The following ORAI2 variants were observed in gnomAD, a reference collection of about 807,000 sequenced individuals.
The protein encoded by ORAI2 is ORAI calcium release-activated calcium modulator 2, also known as protein orai-2.
ORAI2 carries 10 observed loss-of-function variants against 16.2 expected under a neutral mutation model. The observed-to-expected ratio is 0.62, with a 90% CI of 0.38 to 1.04. The LOEUF is 1.04. Ranked by LOEUF, ORAI2 falls within the 50% of genes least tolerant of loss-of-function variation. The probability of loss-of-function intolerance (pLI) is 0.01; values close to 1 mark genes in which losing one functional copy is unlikely to be tolerated. For synonymous variants in ORAI2, 150 were observed against 157.5 expected (o/e 0.95, Z 0.35); for missense variants, 238 against 355.5 (o/e 0.67, Z 2.66).
Position 102,446,837 on chromosome 7 carries a change from C to A in ORAI2, c.550C>A (p.Pro184Thr), listed in dbSNP as rs1318593721. The change falls in exon 4 of 4, where the codon CCC (proline) becomes ACC (threonine). Residue 184 changes from proline (P) to threonine (T), a missense_variant. Physicochemically the swap from Pro to Thr is conservative, Grantham distance 38. This residue lies in a region of ORAI2 where 176 missense variants were observed against 265.9 expected (regional missense o/e 0.66). Transcript: ENST00000495936. Reference sequence around the variant, plus strand: ...CGTGGATGCCCGGCGCCAGCCTGGCCCCCCACCTGGCCCTGGGAGTCACAC... The same window carrying A: ...CGTGGATGCCCGGCGCCAGCCTGGCACCCCACCTGGCCCTGGGAGTCACAC... ...LPVDARRQPG[P>T]PPGPGSHTGW... 6.2e-7 allele frequency: 1 copy of A among 1,613,834 alleles called. No homozygotes were observed. The highest frequency in any genetic ancestry group is 2.2e-5 in the East Asian group (1 of 44,888).
At chr7:102,439,258 C>A in intron 3 of ORAI2, 77 bp downstream of exon 3, 1 of 1,212,102 alleles carries the variant, frequency 8.3e-7, no homozygotes, top group Non-Finnish European at 1.2e-6. Context: ...GCCTCAGGGA[C>A]CAGAGCCTTC....
In ORAI2 at chr7:102,456,642, G is replaced by C. The variant is rs1202119386; in HGVS notation, c.*9590G>C. 6.6e-6 allele frequency: 1 copy of C among 152,176 alleles called. No homozygotes were observed. The highest frequency in any genetic ancestry group is 1.5e-5 in the Non-Finnish European group (1 of 68,030). The allele number at this position is 152,176 out of a possible 1,614,324, so 9.4% of individuals were successfully genotyped here. A position where few individuals can be genotyped will look rare whatever the true frequency, so the allele number is the denominator to read the frequency against. ...CATCCCCCAACCCTCCCTGGGCGTG[G>C]GGGTGTCAAGCATGAGTCAGGCTGA... On this transcript the variant is annotated 3_prime_UTR_variant, in exon 4 of 4. Transcript: ENST00000495936.
intron 3 of ORAI2, among the ~76,000 whole-genome samples, chr7:102,444,407 C>G (rs1224101568): frequency 1.3e-5 from 2 of 151,906 alleles, no homozygotes; most frequent in Non-Finnish European, 2.9e-5. Context: ...CACGAGCCAC[C>G]ATGCCCGGTT....
At chr7:102,445,080 C>T (rs372258962) in intron 3 of ORAI2, among the ~76,000 whole-genome samples, 1 of 152,228 alleles carries the variant, frequency 6.6e-6, no homozygotes, top group Non-Finnish European at 1.5e-5. Flanking sequence ...CTTAGCAGAC[C>T]CAGCCATGCC....
Position 102,447,455 on chromosome 7 carries a change from G to C in ORAI2, c.*403G>C. The C allele has an allele frequency of 4.9e-6, 1 of 205,836 alleles. No homozygotes were observed. Among genetic ancestry groups the C allele is most frequent in the South Asian group, 9.1e-5 (1 of 10,946 alleles). The allele number at this position is 205,836 out of a possible 1,614,324, so 12.8% of individuals were successfully genotyped here. On this transcript the variant is annotated 3_prime_UTR_variant, in exon 4 of 4. Coordinates refer to ENST00000495936, the MANE Select transcript of ORAI2 (RefSeq NM_001126340.3). ...GGGCAGGGTTTTGCGTTCAGAGAAG[G>C]ATTGCCCCAGAGACCCGTGGTGGAC...
At position 102,453,629 on chromosome 7, in the gene ORAI2, C is replaced by A. The variant is rs1797579545; in HGVS notation, c.*6577C>A. The A allele has an allele frequency of 6.6e-6, 1 of 152,256 alleles. No individual in the cohort carries two copies. The highest frequency in any genetic ancestry group is 1.5e-5 in the Non-Finnish European group (1 of 68,048). The allele number at this position is 152,256 out of a possible 1,614,324, so 9.4% of individuals were successfully genotyped here. A position where few individuals can be genotyped will look rare whatever the true frequency, so the allele number is the denominator to read the frequency against. ...AGAAAGACTGCACTTCCGGTGGAGG[C>A]TGCAGTTTCCTTAAAGGGAAAATCT... On this transcript the variant is annotated 3_prime_UTR_variant, in exon 4 of 4. Transcript: ENST00000495936.
intron 3 of ORAI2, among the ~76,000 whole-genome samples, chr7:102,446,019 C>G (rs962705822): frequency 3.3e-5 from 5 of 151,806 alleles, no homozygotes; most frequent in Admixed American, 6.6e-5. Context: ...TGAAATCTTG[C>G]CTCACTGCAA....
chr7:102,455,892 C>G lies in ORAI2; in HGVS notation c.*8840C>G, dbSNP rs1043392379. 4 of 152,322 alleles carry G rather than the reference C, an allele frequency of 2.6e-5. No individual in the cohort carries two copies. Among genetic ancestry groups the G allele is most frequent in the African/African-American group, 9.6e-5 (4 of 41,476 alleles). 9.4% of individuals were successfully genotyped at this position (152,322 alleles called of 1,614,324 possible). A position where few individuals can be genotyped will look rare whatever the true frequency, so the allele number is the denominator to read the frequency against. ...GGTCTATGCGGGGCTCTTCAGCCCT[C>G]CTGGGAGCTCAGTGGCTGGGATGCT... On this transcript the variant is annotated 3_prime_UTR_variant, in exon 4 of 4. Coordinates refer to ENST00000495936, the MANE Select transcript of ORAI2 (RefSeq NM_001126340.3).
intron 3 of ORAI2, among the ~76,000 whole-genome samples, chr7:102,441,218 C>T (rs933161768): frequency 6.0e-5 from 9 of 151,194 alleles, no homozygotes; most frequent in African/African-American, 2.2e-4. Context: ...TAGGCCGGAG[C>T]CTCAATTGTT....
rs967214132 is a variant in ORAI2, at chr7:102,447,279, G to A, written c.*227G>A. On this transcript the variant is annotated 3_prime_UTR_variant, in exon 4 of 4. Coordinates refer to ENST00000495936, the MANE Select transcript of ORAI2 (RefSeq NM_001126340.3). Reference sequence around the variant, plus strand: ...GGGGGCAAAGCCAGGCTGGTTCCTTGGCCTCGGGGTTTCCTGGGTCGGGGA... The same window carrying A: ...GGGGGCAAAGCCAGGCTGGTTCCTTAGCCTCGGGGTTTCCTGGGTCGGGGA... The A allele has an allele frequency of 3.5e-6, 2 of 569,950 alleles. No homozygotes were observed. The highest frequency in any genetic ancestry group is 1.9e-5 in the African/African-American group (1 of 52,910). The allele number at this position is 569,950 out of a possible 1,614,324, so 35.3% of individuals were successfully genotyped here.
chr7:102,440,442 C>A (rs1344227701), intron 3 of ORAI2, among the ~76,000 whole-genome samples: 3 of 152,208 alleles, frequency 2.0e-5, no homozygotes, highest in Admixed American at 6.5e-5. Flanking sequence ...TGACCCACAC[C>A]CCTGGAGGGA....
At chr7:102,438,170 A>G (rs1394816705) in intron 2 of ORAI2, among the ~76,000 whole-genome samples, 2 of 151,716 alleles carry the variant, frequency 1.3e-5, no homozygotes, top group Non-Finnish European at 2.9e-5. Flanking sequence ...CAACATGGTG[A>G]AACTCCATCT....
chr7:102,443,134 T>TTCTTCTTC (rs1365078690), intron 3 of ORAI2, among the ~76,000 whole-genome samples: 22 of 69,142 alleles, frequency 3.2e-4, no homozygotes, highest in African/African-American at 1.6e-3. Flanking sequence ...TCTTCTTCTT[T>TTCTTCTTC]TTTTTTTTTT....
rs1402156557 is a variant in ORAI2, at chr7:102,447,776, TGA to T, written c.*726_*727del. 1 of 152,258 alleles carries T rather than the reference TGA, an allele frequency of 6.6e-6. No homozygotes were observed. Among genetic ancestry groups the T allele is most frequent in the Non-Finnish European group, 1.5e-5 (1 of 68,080 alleles). The allele number at this position is 152,258 out of a possible 1,614,324, so 9.4% of individuals were successfully genotyped here. On this transcript the variant is annotated 3_prime_UTR_variant, in exon 4 of 4. Transcript: ENST00000495936. Reference sequence around the variant, plus strand: ...CTATCAGATGCCCCCTTGAGGAGGCTGAGTTATTTGAGGGCTGCTGCAAAGTA... The same window carrying T: ...CTATCAGATGCCCCCTTGAGGAGGCTGTTATTTGAGGGCTGCTGCAAAGTA...
intron 3 of ORAI2, among the ~76,000 whole-genome samples, chr7:102,440,246 G>A (rs1161730805): frequency 6.6e-6 from 1 of 152,154 alleles, no homozygotes; most frequent in Non-Finnish European, 1.5e-5. Context: ...ATTGGGGTTG[G>A]ATCAGTTTAG....
rs988053460 is a variant in ORAI2, at chr7:102,448,868, G to T, written c.*1816G>T. The T allele has an allele frequency of 4.8e-5, 6 of 125,622 alleles. No homozygotes were observed. In the Admixed American group the frequency reaches 5.5e-4, roughly 11 times the overall value. 7.8% of individuals were successfully genotyped at this position (125,622 alleles called of 1,614,324 possible). A position where few individuals can be genotyped will look rare whatever the true frequency, so the allele number is the denominator to read the frequency against. ...TTGCACTACAGCCTGGGCAACAAGA[G>T]CGAAACTTTGTCTAAAAAAAAAAAA... On this transcript the variant is annotated 3_prime_UTR_variant, in exon 4 of 4. Coordinates refer to ENST00000495936, the MANE Select transcript of ORAI2 (RefSeq NM_001126340.3).
rs1042415996 is a variant in ORAI2 at position 102,454,926 on chromosome 7, C to G, written c.*7874C>G. On this transcript the variant is annotated 3_prime_UTR_variant, in exon 4 of 4. Transcript: ENST00000495936. ...CAGAGGGGCTCACACCCGTTATTCC[C>G]AGCGCTTTGGGAGGCTGAGGCGGGA... 2.0e-5 allele frequency: 3 copies of G among 153,396 alleles called. No homozygotes were observed. The Admixed American group carries it at 2.0e-4, about 10-fold the overall frequency. The allele number at this position is 153,396 out of a possible 1,614,324, so 9.5% of individuals were successfully genotyped here.
rs1290649064 is a variant in ORAI2 at position 102,456,135 on chromosome 7, C to T, written c.*9083C>T. Reference sequence around the variant, plus strand: ...TCAGCCTCCACAGCCTGCCCCGCACCCAGCCACAGGAACAGCAGAGCAGCT... The same window carrying T: ...TCAGCCTCCACAGCCTGCCCCGCACTCAGCCACAGGAACAGCAGAGCAGCT... On this transcript the variant is annotated 3_prime_UTR_variant, in exon 4 of 4. Coordinates refer to ENST00000495936, the MANE Select transcript of ORAI2 (RefSeq NM_001126340.3). 1.1e-4 allele frequency: 17 copies of T among 153,938 alleles called. No individual in the cohort carries two copies. In the Admixed American group the frequency reaches 1.1e-3, roughly 10 times the overall value. The allele number at this position is 153,938 out of a possible 1,614,324, so 9.5% of individuals were successfully genotyped here. A position where few individuals can be genotyped will look rare whatever the true frequency, so the allele number is the denominator to read the frequency against.
In ORAI2 at chr7:102,433,615, A is replaced by G. The variant is rs1026009413; in HGVS notation, c.-169A>G. The G allele has an allele frequency of 6.6e-6, 1 of 151,056 alleles. No homozygotes were observed. The highest frequency in any genetic ancestry group is 2.4e-5 in the African/African-American group (1 of 41,234). The allele number at this position is 151,056 out of a possible 1,614,324, so 9.4% of individuals were successfully genotyped here. A position where few individuals can be genotyped will look rare whatever the true frequency, so the allele number is the denominator to read the frequency against. ...CCACTGGGCCACAGGCCACGCGGCCACGCAGTCCGAGCGGGAGCCGAGCCG... is the reference window on the plus strand; with the variant it reads ...CCACTGGGCCACAGGCCACGCGGCCGCGCAGTCCGAGCGGGAGCCGAGCCG... On this transcript the variant is annotated 5_prime_UTR_variant, in exon 1 of 4. Coordinates refer to ENST00000495936, the MANE Select transcript of ORAI2 (RefSeq NM_001126340.3). The surrounding 1 kb of genome is among the most constrained non-coding windows in gnomAD (Gnocchi z 4.6).
Sources: gnomAD v4.1 joint callset for allele counts (sites outside exome capture counted in the v4.1 genomes callset) on GRCh38, gnomAD v4.1.1 for gene constraint, gnomAD v4.1.1 regional missense constraint, Gnocchi (gnomAD v3.1) non-coding constraint, MANE v1.5 for transcripts, NCBI Gene and HGNC (gene_info 2026-07-23, HGNC 2026-07-21) for gene names.